DROSHA: variants seen among roughly 807,000 people sequenced by gnomAD.
DROSHA encodes the protein drosha ribonuclease III.
Under a neutral mutation model 181.9 loss-of-function variants are expected in DROSHA, and 56 were observed. The observed-to-expected ratio is 0.31, with a 90% CI of 0.25 to 0.38. The LOEUF (loss-of-function observed/expected upper bound fraction) is 0.38. Ranked by LOEUF, DROSHA falls within the 10% of genes least tolerant of loss-of-function variation. The probability of loss-of-function intolerance (pLI) is 1.00; values close to 1 mark genes in which losing one functional copy is unlikely to be tolerated. For synonymous variants in DROSHA, 524 were observed against 591.2 expected (o/e 0.89, Z 1.65); for missense variants, 1,218 against 1,743.5 (o/e 0.70, Z 5.37).
At chr5:31,457,545 T>G (rs1285837067) in intron 20 of DROSHA, among the ~76,000 whole-genome samples, 1 of 151,978 alleles carries the variant, frequency 6.6e-6, no homozygotes, top group Admixed American at 6.5e-5. Context: ...TAAATCTGAT[T>G]GCAGAGTCAT....
chr5:31,488,296 C>T (rs1422994438), intron 13 of DROSHA, among the ~76,000 whole-genome samples: 2 of 151,624 alleles, frequency 1.3e-5, no homozygotes, highest in Admixed American at 1.3e-4. Flanking sequence ...GTCTATAATC[C>T]CAGCTACTTG....
intron 5 of DROSHA, among the ~76,000 whole-genome samples, chr5:31,522,594 T>G (rs1442396519): frequency 2.0e-5 from 3 of 152,250 alleles, no homozygotes; most frequent in African/African-American, 7.2e-5. Flanking sequence ...AGACAAATTC[T>G]TTTAAAGCAA....
intron 23 of DROSHA, among the ~76,000 whole-genome samples, chr5:31,446,676 T>TAAAA (rs35657251): frequency 0.024 from 3,104 of 127,876 alleles, 131 homozygotes; most frequent in African/African-American, 0.086. Flanking sequence ...TGTCTCTATT[T>TAAAA]AAAAAAAAAA....
intron 30 of DROSHA, among the ~76,000 whole-genome samples, chr5:31,420,834 G>A (rs1369780481): frequency 1.3e-5 from 2 of 152,066 alleles, no homozygotes; most frequent in Non-Finnish European, 2.9e-5. Flanking sequence ...ATTTACCTAG[G>A]CTTCTTTATA....
intron 20 of DROSHA, among the ~76,000 whole-genome samples, chr5:31,455,859 C>G (rs930627851): frequency 1.3e-5 from 2 of 152,054 alleles, no homozygotes; most frequent in African/African-American, 4.8e-5. Flanking sequence ...CCAGGCTGGT[C>G]TCGAACTCCT....
Position 31,530,909 on chromosome 5 carries a change from C to T in DROSHA, c.-158G>A, listed in dbSNP as rs1456441160. ...ACAGTCATTTCTGTATCCTTCACAT[C>T]CCCGGGAAAAGCAACCTACACACAG... On this transcript the variant is annotated 5_prime_UTR_variant, in exon 3 of 36. Coordinates refer to ENST00000344624, the MANE Select transcript of DROSHA (RefSeq NM_001382508.1). The T allele has an allele frequency of 2.5e-6, 1 of 398,434 alleles. No homozygotes were observed. The highest frequency in any genetic ancestry group is 4.4e-6 in the Non-Finnish European group (1 of 226,052). The allele number at this position is 398,434 out of a possible 1,614,324, so 24.7% of individuals were successfully genotyped here.
chr5:31,462,832 A>G (rs1490414484), intron 20 of DROSHA, among the ~76,000 whole-genome samples: 1 of 149,006 alleles, frequency 6.7e-6, no homozygotes, highest in Non-Finnish European at 1.5e-5. Context: ...AGGGTTTTGT[A>G]TGAAAAAAAA....
chr5:31,440,150 T>C (rs1279976295), intron 23 of DROSHA, among the ~76,000 whole-genome samples: 1 of 152,114 alleles, frequency 6.6e-6, no homozygotes, highest in Non-Finnish European at 1.5e-5. Flanking sequence ...CCTTCCCTGC[T>C]ACCTCTCCCA....
At chr5:31,493,894 G>A (rs1358621338) in intron 12 of DROSHA, among the ~76,000 whole-genome samples, 1 of 150,998 alleles carries the variant, frequency 6.6e-6, no homozygotes, top group Admixed American at 6.6e-5. Flanking sequence ...ATCAATCTAA[G>A]CATGAAGCCC....
chr5:31,456,238 A>C (rs1458414876), intron 20 of DROSHA, among the ~76,000 whole-genome samples: 1 of 152,212 alleles, frequency 6.6e-6, no homozygotes, highest in African/African-American at 2.4e-5. Flanking sequence ...ATTGGTAGAT[A>C]ATCACAAGTG....
chr5:31,414,605 G>A (rs1464695181), intron 30 of DROSHA, among the ~76,000 whole-genome samples: 2 of 152,226 alleles, frequency 1.3e-5, no homozygotes, highest in African/African-American at 4.8e-5. Flanking sequence ...GAGAATTAGA[G>A]TGGATGACAT....
chr5:31,462,913 T>A (rs1031470001), intron 20 of DROSHA, among the ~76,000 whole-genome samples: 1 of 152,176 alleles, frequency 6.6e-6, no homozygotes, highest in East Asian at 1.9e-4. Flanking sequence ...GCCTTCTAGT[T>A]CTTAATGCTC....
At chr5:31,442,741 G>C (rs1021563655) in intron 23 of DROSHA, among the ~76,000 whole-genome samples, 3 of 151,938 alleles carry the variant, frequency 2.0e-5, no homozygotes, top group African/African-American at 7.3e-5. Context: ...TCACAGAGTA[G>C]GGCTAGAGGG....
chr5:31,514,256 CACACAT>C lies in DROSHA; in HGVS notation c.1290+726_1290+731del, dbSNP rs1177313969. ...ACACACACACACACACACACACACACACACATACACATACACACTACAAACTGCATA... is the reference window on the plus strand; with the variant it reads ...ACACACACACACACACACACACACACACACATACACACTACAAACTGCATA... On this transcript the variant is annotated intron_variant, in intron 8 of 35. Transcript: ENST00000344624. The surrounding 1 kb of genome is among the most constrained non-coding windows in gnomAD (Gnocchi z 4.4). 4.0e-5 allele frequency among the ~76,000 whole-genome samples: 6 copies of C among 150,310 alleles called. No individual in the cohort carries two copies. Among genetic ancestry groups the C allele is most frequent in the African/African-American group, 1.5e-4 (6 of 40,150 alleles).
At chr5:31,414,121 G>A (rs1741668842) in intron 30 of DROSHA, among the ~76,000 whole-genome samples, 1 of 152,212 alleles carries the variant, frequency 6.6e-6, no homozygotes, top group African/African-American at 2.4e-5. Flanking sequence ...CTGATGCAGT[G>A]AGGCTGGCAG....
chr5:31,407,268 CTT>C (rs1265391692), intron 33 of DROSHA, among the ~76,000 whole-genome samples: 1 of 152,126 alleles, frequency 6.6e-6, no homozygotes, highest in Non-Finnish European at 1.5e-5. Flanking sequence ...TATTCACAAA[CTT>C]TTATCATGAA....
intron 23 of DROSHA, among the ~76,000 whole-genome samples, chr5:31,444,741 C>T (rs1183634373): frequency 6.6e-6 from 1 of 152,108 alleles, no homozygotes; most frequent in Non-Finnish European, 1.5e-5. Context: ...ACACCATCCC[C>T]GAGGGTGTGA....
At chr5:31,526,029 C>A (rs751611464) in intron 5 of DROSHA, 50 bp downstream of exon 5, 2 of 1,483,220 alleles carry the variant, frequency 1.3e-6, no homozygotes, top group African/African-American at 1.4e-5. Context: ...GGAGAATGAC[C>A]GTGCCTGGGC....
At chr5:31,471,084 T>C (rs1749671226) in intron 17 of DROSHA, among the ~76,000 whole-genome samples, 1 of 152,246 alleles carries the variant, frequency 6.6e-6, no homozygotes, top group African/African-American at 2.4e-5. Context: ...AACATATTTT[T>C]ATTAAACAAT....
Sources: gnomAD v4.1 joint callset for allele counts (sites outside exome capture counted in the v4.1 genomes callset) on GRCh38, gnomAD v4.1.1 for gene constraint, Gnocchi (gnomAD v3.1) non-coding constraint, MANE v1.5 for transcripts, NCBI Gene and HGNC (gene_info 2026-07-23, HGNC 2026-07-21) for gene names.